MUC3A: variants seen among roughly 807,000 people sequenced by gnomAD.
MUC3A encodes mucin 3A, cell surface associated, also known as mucin-3A.
MUC3A carries 109 observed loss-of-function variants against 109.0 expected under a neutral mutation model. The ratio of observed to expected loss-of-function variants is 1.00; its 90% CI spans 0.86 to 1.17. The LOEUF is 1.17. Ranked by LOEUF, MUC3A falls within the 50% of genes most tolerant of loss-of-function variation. The probability of loss-of-function intolerance (pLI) is 0.00; values close to 1 mark genes in which losing one functional copy is unlikely to be tolerated. For missense variants in MUC3A, 3,537 were observed against 2,469.4 expected (o/e 1.43, Z -9.16); for synonymous variants, 1,398 against 981.4 (o/e 1.42, Z -7.93).
rs980741533 is a variant in MUC3A, at chr7:100,956,886, A to G, written c.5107A>G (p.Thr1703Ala). The G allele has an allele frequency of 1.2e-5, 5 of 412,168 alleles. No individual in the cohort carries two copies. The highest frequency in any genetic ancestry group is 1.0e-4 in the African/African-American group (5 of 48,842). The allele number at this position is 412,168 out of a possible 1,614,324, so 25.5% of individuals were successfully genotyped here. A position where few individuals can be genotyped will look rare whatever the true frequency, so the allele number is the denominator to read the frequency against. Residue 1703 changes from threonine to alanine, a missense_variant, in exon 2 of 12, where the codon ACC becomes GCC. By Grantham distance (58) the Thr-to-Ala change is moderately conservative. Transcript: ENST00000379458. ...TAESTPSPTT[T>A]MSFTTFTKME... The stretch of plus-strand genomic sequence containing the variant: ...TGAATCCACCCCATCACCTACAACC[A>G]CCATGTCATTCACAACATTTACAAA...
At position 100,953,954 on chromosome 7, in the gene MUC3A, A is replaced by C; in HGVS notation, c.2175A>C (p.Glu725Asp). Residue 725 changes from glutamate (E) to aspartate (D), a missense_variant, in exon 2 of 12, where the codon GAA (glutamate) becomes GAC (aspartate). By Grantham distance (45) the Glu-to-Asp change is conservative. Coordinates refer to ENST00000379458, the MANE Select transcript of MUC3A (RefSeq NM_005960.2). ...GTCCTGGTACAAACTCCACGACGGA[A>C]ATCACCTATCCCACCACTATGACAG... ...PTGPGTNSTTEITYPTTMTET... is the reference protein window; with the variant it reads ...PTGPGTNSTTDITYPTTMTET... The C allele has an allele frequency of 9.0e-6, 3 of 331,962 alleles. No homozygotes were observed. The highest frequency in any genetic ancestry group is 1.5e-5 in the Non-Finnish European group (3 of 202,584). 20.6% of individuals were successfully genotyped at this position (331,962 alleles called of 1,614,324 possible). A position where few individuals can be genotyped will look rare whatever the true frequency, so the allele number is the denominator to read the frequency against.
chr7:100,959,558 T>A lies in MUC3A; in HGVS notation c.7779T>A (p.Ser2593=), dbSNP rs73714240. 15 of 1,549,510 alleles carry A rather than the reference T, an allele frequency of 9.7e-6. No individual in the cohort carries two copies. Among genetic ancestry groups the A allele is most frequent in the Non-Finnish European group, 1.2e-5 (14 of 1,148,990 alleles). The change falls in exon 2 of 12, where the codon TCT becomes TCA. Residue 2593 remains serine (S), a synonymous_variant. Coordinates refer to ENST00000379458, the MANE Select transcript of MUC3A (RefSeq NM_005960.2). ...VLTSATGTQT[S]PAPTTVTFGS... is the part of the protein sequence containing the mutation. Reference sequence around the variant, plus strand: ...CGTCAGCCACTGGGACCCAAACATCTCCTGCACCTACTACTGTCACCTTTG... The same window carrying A: ...CGTCAGCCACTGGGACCCAAACATCACCTGCACCTACTACTGTCACCTTTG...
chr7:100,963,738 G>A lies in MUC3A; in HGVS notation c.9219G>A (p.Glu3073=). ...DMQGFTFKGV[E]ILSLRNGSIV... is the part of the protein sequence containing the mutation. ...AGGGCTTCACCTTCAAGGGTGTGGA[G>A]ATCCTGTCCCTGAGGTAGGAGACCC... The change falls in exon 5 of 12, where the codon GAG becomes GAA. Residue 3073 remains glutamate, a synonymous_variant. Transcript: ENST00000379458. 6.3e-7 allele frequency: 1 copy of A among 1,598,560 alleles called. No individual in the cohort carries two copies.
At chr7:100,963,536 C>T (rs918988446) in intron 4 of MUC3A, among the ~76,000 whole-genome samples, 152 bp from the exon 5 acceptor site, 12 of 152,426 alleles carry the variant, frequency 7.9e-5, no homozygotes, top group Admixed American at 2.0e-4. Context: ...CCACCTGCCT[C>T]GTCCTCCCAA....
chr7:100,962,007 C>G lies in MUC3A; in HGVS notation c.9052+1070C>G, dbSNP rs1357944391. On this transcript the variant is annotated intron_variant, in intron 3 of 11. Coordinates refer to ENST00000379458, the MANE Select transcript of MUC3A (RefSeq NM_005960.2). ...CAGCACTTTGGGAGGCCGAGGCGGG[C>G]GGATCACGAGGTCAGGAGATCGAGA... Among the ~76,000 whole-genome samples, 2 of 31,150 alleles carry G rather than the reference C, an allele frequency of 6.4e-5. 1 individual carries two copies. Among genetic ancestry groups the G allele is most frequent in the African/African-American group, 1.5e-4 (2 of 12,960 alleles). The allele number at this position is 31,150 out of a possible 152,430, so 20.4% of individuals were successfully genotyped here.
chr7:100,952,911 G>A lies in MUC3A; in HGVS notation c.1132G>A (p.Glu378Lys). The A allele has an allele frequency of 6.3e-7, 1 of 1,585,856 alleles. No individual in the cohort carries two copies. Among genetic ancestry groups the A allele is most frequent in the African/African-American group, 1.3e-5 (1 of 74,744 alleles). Residue 378 changes from glutamate to lysine, a missense_variant, in exon 2 of 12, where the codon GAA becomes AAA. Transcript: ENST00000379458. ...CACCTCTTCCTCTCTCCCAACCACAGAAACAGCCACGACTCCTATGACAAA... is the reference window on the plus strand; with the variant it reads ...CACCTCTTCCTCTCTCCCAACCACAAAAACAGCCACGACTCCTATGACAAA... ...PPTSSSLPTT[E>K]TATTPMTNLV...
In MUC3A at chr7:100,957,861, T is replaced by A; in HGVS notation, c.6082T>A (p.Ser2028Thr). The change falls in exon 2 of 12, where the codon TCT (serine) becomes ACT (threonine). Residue 2028 changes from serine (S) to threonine (T), a missense_variant. Transcript: ENST00000379458. Reference sequence around the variant, plus strand: ...ATCCCACAATACTCCCAGCTTGACTTCTTCGATCACAACCACCGAGACCAC... The same window carrying A: ...ATCCCACAATACTCCCAGCTTGACTACTTCGATCACAACCACCGAGACCAC... ...TTSHNTPSLT[S>T]SITTTETTSH... is the part of the protein sequence containing the mutation. 3 of 778,624 alleles carry A rather than the reference T, an allele frequency of 3.9e-6. No individual in the cohort carries two copies. The highest frequency in any genetic ancestry group is 1.4e-5 in the South Asian group (1 of 72,632). The allele number at this position is 778,624 out of a possible 1,614,324, so 48.2% of individuals were successfully genotyped here.
chr7:100,967,564 G>A lies in MUC3A; in HGVS notation c.*402G>A, dbSNP rs587723030. 5.9e-4 allele frequency: 249 copies of A among 425,272 alleles called. No individual in the cohort carries two copies. The highest frequency in any genetic ancestry group is 4.0e-3 in the African/African-American group (200 of 49,948). The allele number at this position is 425,272 out of a possible 1,614,324, so 26.3% of individuals were successfully genotyped here. ...CTCTCTCGGATCCTCCAATCCTCAC[G>A]TCCTTCACCTGGTCTCTGGCCCTGG... On this transcript the variant is annotated 3_prime_UTR_variant, in exon 12 of 12. Coordinates refer to ENST00000379458, the MANE Select transcript of MUC3A (RefSeq NM_005960.2).
At position 100,960,035 on chromosome 7, in the gene MUC3A, C is replaced by T. The variant is rs1204937369; in HGVS notation, c.8256C>T (p.Leu2752=). 3 of 1,509,648 alleles carry T rather than the reference C, an allele frequency of 2.0e-6. No homozygotes were observed. The highest frequency in any genetic ancestry group is 2.2e-5 in the Admixed American group (1 of 44,460). The allele number at this position is 1,509,648 out of a possible 1,614,324, so 93.5% of individuals were successfully genotyped here. Residue 2752 remains leucine, a synonymous_variant, in exon 2 of 12, where the codon CTC becomes CTT. Coordinates refer to ENST00000379458, the MANE Select transcript of MUC3A (RefSeq NM_005960.2). ...SSTSSSLTTA[L]TEITPFSYIS... is the part of the protein sequence containing the mutation. ...CCAGCTCCTCTCTGACCACAGCTCT[C>T]ACTGAAATAACCCCCTTTTCTTATA...
chr7:100,952,438 C>A lies in MUC3A; in HGVS notation c.659C>A (p.Ser220Ter). 1 of 1,598,622 alleles carries A rather than the reference C, an allele frequency of 6.3e-7. No homozygotes were observed. The highest frequency in any genetic ancestry group is 8.5e-7 in the Non-Finnish European group (1 of 1,179,818). Residue 220 changes from serine (S) to a stop codon, truncating the protein, a stop_gained, in exon 2 of 12, where the codon TCG becomes TAG. Transcript: ENST00000379458. LOFTEE classifies it high-confidence loss of function. ...ATDTTFHTTI[S>*]STTRTTERTP... ...GACACAACCTTCCACACTACAATCT[C>A]GTCTACAACTAGAACCACAGAAAGG...
intron 1 of MUC3A, 82 bp downstream of exon 1, chr7:100,949,767 G>C (rs974315127): frequency 1.2e-4 from 162 of 1,352,914 alleles, no homozygotes; most frequent in Non-Finnish European, 1.5e-4. Flanking sequence ...GTGGCTGTAA[G>C]GCCTGGGGAG....
chr7:100,956,379 A>T lies in MUC3A; in HGVS notation c.4600A>T (p.Thr1534Ser), dbSNP rs1215168418. The part of the protein sequence containing the change: ...SHSTTSFTSS[T>S]IYSTASTPTT... ...TAGTACCACCAGCTTCACTTCTTCA[A>T]CCATCTACTCCACAGCCAGCACACC... is the stretch of plus-strand genomic sequence containing the variant. The change falls in exon 2 of 12, where the codon ACC becomes TCC. Residue 1534 changes from threonine (T) to serine (S), a missense_variant. Transcript: ENST00000379458. 1.2e-5 allele frequency: 8 copies of T among 657,246 alleles called. No individual in the cohort carries two copies. Among genetic ancestry groups the T allele is most frequent in the Non-Finnish European group, 2.2e-5 (8 of 366,464 alleles). 40.7% of individuals were successfully genotyped at this position (657,246 alleles called of 1,614,324 possible).
At position 100,960,775 on chromosome 7, in the gene MUC3A, TG is replaced by T. The variant is rs758028791; in HGVS notation, c.8893del (p.Glu2965AsnfsTer53). ...AGGCACCTGTGACAATGGTGGCACC[TG>T]GGAACAGGGCCAGTGTGCTTGCCTT... is the stretch of plus-strand genomic sequence containing the variant. ...TAGTCDNGGT[W>X]EQGQCACLPG... On this transcript the variant is annotated frameshift_variant, in exon 3 of 12. Coordinates refer to ENST00000379458, the MANE Select transcript of MUC3A (RefSeq NM_005960.2). LOFTEE classifies it high-confidence loss of function. The T allele has an allele frequency of 6.8e-5, 108 of 1,598,022 alleles. No individual in the cohort carries two copies. The highest frequency in any genetic ancestry group is 1.8e-4 in the Admixed American group (11 of 59,962).
In MUC3A at chr7:100,967,502, C is replaced by G; in HGVS notation, c.*340C>G. ...TAGACTTGGTCAATTCTCGGTCCTA[C>G]TCTGCCCTCCCGTCTCAGCCCTCGT... On this transcript the variant is annotated 3_prime_UTR_variant, in exon 12 of 12. Transcript: ENST00000379458. 3 of 532,476 alleles carry G rather than the reference C, an allele frequency of 5.6e-6. No individual in the cohort carries two copies. Among genetic ancestry groups the G allele is most frequent in the East Asian group, 3.0e-5 (1 of 33,442 alleles). 33.0% of individuals were successfully genotyped at this position (532,476 alleles called of 1,614,324 possible). A position where few individuals can be genotyped will look rare whatever the true frequency, so the allele number is the denominator to read the frequency against.
At chr7:100,967,040 C>T in intron 11 of MUC3A, 81 bp from the exon 12 acceptor site, 1 of 1,598,472 alleles carries the variant, frequency 6.3e-7, no homozygotes, top group South Asian at 1.1e-5. Flanking sequence ...AGGGAGGGGG[C>T]TGGGCTCGGA....
At chr7:100,964,520 CA>C in intron 5 of MUC3A, 174 bp from the exon 6 acceptor site, 2 of 1,072,046 alleles carry the variant, frequency 1.9e-6, no homozygotes, top group African/African-American at 1.6e-5. Flanking sequence ...CCTTCCCAGG[CA>C]GACCAAGTCA....
chr7:100,959,370 T>C lies in MUC3A; in HGVS notation c.7591T>C (p.Ser2531Pro), dbSNP rs1792233769. ...AACACACATCATTTCATCTTCTCCC[T>C]CCATCCAAAGTACAGAAACCTCATC... ...TRTHIISSSPSIQSTETSSLV... is the reference protein window; with the variant it reads ...TRTHIISSSPPIQSTETSSLV... Residue 2531 changes from serine (S) to proline (P), a missense_variant, in exon 2 of 12, where the codon TCC becomes CCC. Physicochemically the swap from Ser to Pro is moderately conservative, Grantham distance 74. Coordinates refer to ENST00000379458, the MANE Select transcript of MUC3A (RefSeq NM_005960.2). The C allele has an allele frequency of 6.5e-7, 1 of 1,540,014 alleles. No individual in the cohort carries two copies. The highest frequency in any genetic ancestry group is 1.4e-5 in the African/African-American group (1 of 73,256).
rs780113135 is a variant in MUC3A, at chr7:100,966,914, T to C, written c.9893T>C (p.Phe3298Ser). 1 of 1,598,430 alleles carries C rather than the reference T, an allele frequency of 6.3e-7. No homozygotes were observed. Among genetic ancestry groups the C allele is most frequent in the African/African-American group, 1.3e-5 (1 of 74,964 alleles). Residue 3298 changes from phenylalanine (F) to serine (S), a missense_variant, in exon 11 of 12, where the codon TTC becomes TCC. By Grantham distance (155) the Phe-to-Ser change is radical. Transcript: ENST00000379458. Reference sequence around the variant, plus strand: ...CTCTCTCTAGACAAGGATACAAATTTCTATGTGGCCTTGGAGAACGTGGAC... The same window carrying C: ...CTCTCTCTAGACAAGGATACAAATTCCTATGTGGCCTTGGAGAACGTGGAC... The part of the protein sequence containing the change: ...EDDGTDKDTN[F>S]YVALENVDTT...
In MUC3A at chr7:100,952,123, C is replaced by T. The variant is rs1426684849; in HGVS notation, c.344C>T (p.Thr115Ile). The T allele has an allele frequency of 3.8e-6, 6 of 1,598,462 alleles. No homozygotes were observed. The South Asian group carries it at 5.5e-5, about 15-fold the overall frequency. Residue 115 changes from threonine (T) to isoleucine (I), a missense_variant, in exon 2 of 12, where the codon ACT (threonine) becomes ATT (isoleucine). Transcript: ENST00000379458. ...TSKFAFKVET[T>I]PPTVLVYSAT... ...AAGTTTGCCTTCAAGGTTGAAACCACTCCACCCACCGTGTTGGTCTATTCA... is the reference window on the plus strand; with the variant it reads ...AAGTTTGCCTTCAAGGTTGAAACCATTCCACCCACCGTGTTGGTCTATTCA...
Sources: gnomAD v4.1 joint callset for allele counts (sites outside exome capture counted in the v4.1 genomes callset) on GRCh38, gnomAD v4.1.1 for gene constraint, MANE v1.5 for transcripts, NCBI Gene and HGNC (gene_info 2026-07-23, HGNC 2026-07-21) for gene names.